PARD3: variants seen among roughly 807,000 people sequenced by gnomAD.
PARD3 encodes the protein par-3 family cell polarity regulator.
Under a neutral mutation model 155.4 loss-of-function variants are expected in PARD3, and 75 were observed. The observed-to-expected ratio is 0.48, with a 90% CI of 0.40 to 0.58. PARD3 has a LOEUF of 0.58. Ranked by LOEUF, PARD3 falls within the 20% of genes least tolerant of loss-of-function variation. PARD3 has a pLI of 0.00. For missense variants in PARD3, 1,642 were observed against 1,721.7 expected (o/e 0.95, Z 0.82); for synonymous variants, 576 against 610.5 (o/e 0.94, Z 0.83).
chr10:34,495,306 C>T (rs1023096639), intron 3 of PARD3, among the ~76,000 whole-genome samples: 1 of 152,152 alleles, frequency 6.6e-6, no homozygotes, highest in Non-Finnish European at 1.5e-5. Flanking sequence ...ATCCAACACA[C>T]AGTCACAGTG....
At chr10:34,546,578 C>T (rs934999589) in intron 2 of PARD3, among the ~76,000 whole-genome samples, 11 of 151,782 alleles carry the variant, frequency 7.2e-5, no homozygotes, top group Admixed American at 3.9e-4. Flanking sequence ...CACTGTCACC[C>T]GGGCTGGCCT....
chr10:34,263,081 C>A (rs998464899), intron 22 of PARD3, among the ~76,000 whole-genome samples: 1 of 152,190 alleles, frequency 6.6e-6, no homozygotes, highest in African/African-American at 2.4e-5. Context: ...TATAAAGAAT[C>A]AAACCTGTCT....
At chr10:34,799,642 G>A (rs1333572465) in intron 1 of PARD3, among the ~76,000 whole-genome samples, 1 of 152,124 alleles carries the variant, frequency 6.6e-6, no homozygotes, top group African/African-American at 2.4e-5. Context: ...ATGCACATCA[G>A]TTTGTCATGG....
At chr10:34,639,290 G>T (rs1188400660) in intron 2 of PARD3, among the ~76,000 whole-genome samples, 2 of 152,062 alleles carry the variant, frequency 1.3e-5, no homozygotes, top group East Asian at 3.9e-4. Context: ...CAGCTACTCG[G>T]GAGGCTGAGG....
At chr10:34,174,191 G>C (rs1949933010) in intron 22 of PARD3, among the ~76,000 whole-genome samples, 1 of 152,188 alleles carries the variant, frequency 6.6e-6, no homozygotes, top group Non-Finnish European at 1.5e-5. Flanking sequence ...CTCTATTCTA[G>C]TGGGGCTGCT....
chr10:34,357,542 T>C (rs1839015404), intron 14 of PARD3, among the ~76,000 whole-genome samples: 2 of 152,346 alleles, frequency 1.3e-5, no homozygotes, highest in South Asian at 4.1e-4. Flanking sequence ...TATAGTGCTT[T>C]GTGGGACTTA....
chr10:34,482,630 T>C (rs1300787504), intron 3 of PARD3, among the ~76,000 whole-genome samples: 7 of 152,182 alleles, frequency 4.6e-5, no homozygotes, highest in Admixed American at 4.6e-4. Flanking sequence ...TAAAGGTATT[T>C]ACATACCTGG....
At chr10:34,326,317 C>A (rs2134195363) in intron 19 of PARD3, among the ~76,000 whole-genome samples, 1 of 152,242 alleles carries the variant, frequency 6.6e-6, no homozygotes, top group East Asian at 1.9e-4. Context: ...TCGAAGCTCC[C>A]TTTCTTAAAC....
At chr10:34,120,789 C>A (rs1457053689) in intron 23 of PARD3, among the ~76,000 whole-genome samples, 1 of 152,146 alleles carries the variant, frequency 6.6e-6, no homozygotes, top group Non-Finnish European at 1.5e-5. Flanking sequence ...GTTAATCATC[C>A]CCTATAGAGA....
intron 2 of PARD3, among the ~76,000 whole-genome samples, chr10:34,559,736 G>A (rs2085308905): frequency 6.6e-6 from 1 of 151,950 alleles, no homozygotes; most frequent in Admixed American, 6.6e-5. Context: ...CACGCAATAA[G>A]TGATGAAAAG....
In PARD3 at chr10:34,222,880, T is replaced by C. The variant is rs145035090; in HGVS notation, c.3419+46777A>G. 3.8e-3 allele frequency among the ~76,000 whole-genome samples: 572 copies of C among 152,298 alleles called. 3 individuals carry two copies. The highest frequency in any genetic ancestry group is 4.8e-3 in the Non-Finnish European group (328 of 68,002). Reference sequence around the variant, plus strand: ...AGCTTTGACCACACTCAGGACACTCTCTGCTCCCATCCTCGCCTGGCCCAC... The same window carrying C: ...AGCTTTGACCACACTCAGGACACTCCCTGCTCCCATCCTCGCCTGGCCCAC... On this transcript the variant is annotated intron_variant, in intron 22 of 24. Coordinates refer to ENST00000374788, the MANE Select transcript of PARD3 (RefSeq NM_001184785.2).
intron 23 of PARD3, among the ~76,000 whole-genome samples, chr10:34,125,309 C>A (rs978652885): frequency 2.0e-5 from 3 of 152,116 alleles, no homozygotes; most frequent in Admixed American, 2.0e-4. Flanking sequence ...TCGGGATCCA[C>A]CCACCTGGGC....
chr10:34,612,094 C>A (rs1028358539), intron 2 of PARD3, among the ~76,000 whole-genome samples: 1 of 151,772 alleles, frequency 6.6e-6, no homozygotes, highest in Non-Finnish European at 1.5e-5. Flanking sequence ...CCAAAGTGCT[C>A]GGATTACAGG....
chr10:34,782,416 G>A (rs988018831), intron 1 of PARD3, among the ~76,000 whole-genome samples: 2 of 152,132 alleles, frequency 1.3e-5, no homozygotes, highest in Non-Finnish European at 2.9e-5. Context: ...CCAGCCTTAG[G>A]GCACATCAAA....
At chr10:34,464,682 A>G (rs2077891265) in intron 4 of PARD3, among the ~76,000 whole-genome samples, 1 of 152,222 alleles carries the variant, frequency 6.6e-6, no homozygotes, top group Non-Finnish European at 1.5e-5. Context: ...AGAACTCAAC[A>G]CATAATATAA....
chr10:34,231,085 G>A (rs1026496335), intron 22 of PARD3, among the ~76,000 whole-genome samples: 1 of 151,604 alleles, frequency 6.6e-6, no homozygotes, highest in Non-Finnish European at 1.5e-5. Context: ...AAAAGCGGAG[G>A]TTCATCCTAG....
At chr10:34,677,546 T>A (rs901032629) in intron 2 of PARD3, among the ~76,000 whole-genome samples, 1 of 151,370 alleles carries the variant, frequency 6.6e-6, no homozygotes, top group Non-Finnish European at 1.5e-5. Flanking sequence ...CCAAAATAAG[T>A]GTAGAATTGA....
intron 22 of PARD3, among the ~76,000 whole-genome samples, chr10:34,179,991 C>T (rs752962329): frequency 6.6e-6 from 1 of 151,904 alleles, no homozygotes; most frequent in Non-Finnish European, 1.5e-5. Context: ...TGTTTTGATA[C>T]AGGCATGCAA....
chr10:34,700,568 A>C (rs977483541), intron 1 of PARD3, among the ~76,000 whole-genome samples: 4 of 152,080 alleles, frequency 2.6e-5, no homozygotes, highest in African/African-American at 4.8e-5. Context: ...GACCAGAAAA[A>C]GATCACTGAA....
Sources: gnomAD v4.1 joint callset for allele counts (sites outside exome capture counted in the v4.1 genomes callset) on GRCh38, gnomAD v4.1.1 for gene constraint, MANE v1.5 for transcripts, NCBI Gene and HGNC (gene_info 2026-07-23, HGNC 2026-07-21) for gene names.